MAP4K5: variants seen among roughly 807,000 people sequenced by gnomAD.
MAP4K5 encodes MAPK/ERK kinase kinase kinase 5.
In MAP4K5, 82 loss-of-function variants were observed where a neutral mutation model predicts 135.6. The observed-to-expected ratio is 0.60, with a 90% CI of 0.51 to 0.73. The LOEUF is 0.73. MAP4K5 is among the 30% of genes least tolerant of loss of function. The pLI is 0.00. For synonymous variants in MAP4K5, 347 were observed against 335.0 expected (o/e 1.04, Z -0.39); for missense variants, 907 against 1,010.9 (o/e 0.90, Z 1.39).
At chr14:50,446,593 T>A (rs766077415) in intron 16 of MAP4K5, among the ~76,000 whole-genome samples, 6 of 152,192 alleles carry the variant, frequency 3.9e-5, no homozygotes, top group Non-Finnish European at 8.8e-5. Context: ...AGCACTTATC[T>A]AGTCCACTGG....
chr14:50,542,764 G>A (rs2140148099), intron 1 of MAP4K5, among the ~76,000 whole-genome samples: 1 of 152,300 alleles, frequency 6.6e-6, no homozygotes, highest in East Asian at 1.9e-4. Flanking sequence ...ACTTGAAGCA[G>A]AGAGCCACAG....
chr14:50,481,280 T>C (rs2037236349), intron 6 of MAP4K5, among the ~76,000 whole-genome samples: 2 of 150,248 alleles, frequency 1.3e-5, no homozygotes, highest in South Asian at 4.1e-4. Context: ...CATACATATA[T>C]ATTACACATC....
chr14:50,453,405 A>G (rs937005671), intron 14 of MAP4K5, among the ~76,000 whole-genome samples: 7 of 152,220 alleles, frequency 4.6e-5, no homozygotes, highest in Non-Finnish European at 8.8e-5. Flanking sequence ...TGCAAAGTCA[A>G]CAAGAAACAA....
intron 1 of MAP4K5, 135 bp from the exon 2 acceptor site, chr14:50,532,293 G>T (rs547629460): frequency 0.014 from 6,117 of 442,564 alleles, 310 homozygotes; most frequent in African/African-American, 0.11. Context: ...AAGGGCCCCC[G>T]GCGCCCCGTA....
intron 2 of MAP4K5, among the ~76,000 whole-genome samples, chr14:50,516,162 A>G (rs1384211667): frequency 6.6e-6 from 1 of 152,208 alleles, no homozygotes; most frequent in Admixed American, 6.5e-5. Context: ...CTGTAATCCA[A>G]GCTTGTCTCC....
chr14:50,501,375 T>C (rs1378272820), intron 3 of MAP4K5, among the ~76,000 whole-genome samples: 1 of 152,064 alleles, frequency 6.6e-6, no homozygotes, highest in Non-Finnish European at 1.5e-5. Context: ...AATTGTATCT[T>C]ACAAATTATC....
At chr14:50,547,349 G>A (rs1217158970) in intron 1 of MAP4K5, among the ~76,000 whole-genome samples, 1 of 152,066 alleles carries the variant, frequency 6.6e-6, no homozygotes, top group Non-Finnish European at 1.5e-5. Flanking sequence ...TATAATAGAG[G>A]GCATTGGTTG....
intron 2 of MAP4K5, among the ~76,000 whole-genome samples, chr14:50,527,160 G>A (rs760391719): frequency 1.9e-4 from 29 of 152,194 alleles, no homozygotes; most frequent in Middle Eastern, 3.4e-3. Flanking sequence ...TCAACCTGGT[G>A]AAACCCCGTC....
intron 2 of MAP4K5, among the ~76,000 whole-genome samples, chr14:50,518,963 A>G (rs144647809): frequency 6.3e-4 from 96 of 152,342 alleles, no homozygotes; most frequent in African/African-American, 2.0e-3. Context: ...AAGACAATTT[A>G]GGAAATTTAG....
chr14:50,423,398 C>G (rs1566629763), intron 31 of MAP4K5, among the ~76,000 whole-genome samples: 1 of 151,032 alleles, frequency 6.6e-6, no homozygotes, highest in Non-Finnish European at 1.5e-5. Context: ...CTTAGAAGAA[C>G]TCTTTGTGAT....
rs543356908 is a variant in MAP4K5 at position 50,433,616 on chromosome 14, T to A, written c.2164+778A>T. ...CTATAAATGATCAAAAGCCAAAGGT[T>A]ATTTAATAAGAAGCATTAAGCATCA... is the stretch of plus-strand genomic sequence containing the variant. On this transcript the variant is annotated intron_variant, in intron 28 of 32. Coordinates refer to ENST00000682126, the MANE Select transcript of MAP4K5 (RefSeq NM_006575.6). Among the ~76,000 whole-genome samples the A allele has an allele frequency of 1.8e-4, 27 of 152,348 alleles. 1 individual carries two copies. The South Asian group carries it at 5.2e-3, about 29-fold the overall frequency.
At position 50,446,072 on chromosome 14, in the gene MAP4K5, A is replaced by C. The variant is rs773196370; in HGVS notation, c.1185+7T>G. 6.5e-7 allele frequency: 1 copy of C among 1,532,992 alleles called. No individual in the cohort carries two copies. The highest frequency in any genetic ancestry group is 8.8e-7 in the Non-Finnish European group (1 of 1,139,382). The allele number at this position is 1,532,992 out of a possible 1,614,324, so 95.0% of individuals were successfully genotyped here. On this transcript the variant is annotated splice_region_variant and intron_variant, in intron 17 of 32. Transcript: ENST00000682126. ...GATTTAGTGTTCAAAATCATTAAGT[A>C]GCTCACCTTAGGAGGTAGGGGAGGT...
intron 10 of MAP4K5, 115 bp from the exon 11 acceptor site, chr14:50,466,760 AACT>A: frequency 3.5e-6 from 2 of 564,704 alleles, no homozygotes; most frequent in South Asian, 2.7e-5. Context: ...CAATGATGAA[AACT>A]ACTATGGGAT....
intron 31 of MAP4K5, among the ~76,000 whole-genome samples, chr14:50,425,360 A>G (rs141686479): frequency 1.3e-5 from 2 of 152,312 alleles, no homozygotes; most frequent in East Asian, 3.9e-4. Flanking sequence ...TATGAATAGT[A>G]TCTACTTCTA....
At chr14:50,552,718 C>G (rs2038717958) in intron 1 of MAP4K5, among the ~76,000 whole-genome samples, 1 of 152,156 alleles carries the variant, frequency 6.6e-6, no homozygotes, top group Non-Finnish European at 1.5e-5. Flanking sequence ...CAAATACTTA[C>G]AGCTAACTGG....
At chr14:50,483,403 T>C (rs1426400086) in intron 5 of MAP4K5, among the ~76,000 whole-genome samples, 2 of 152,118 alleles carry the variant, frequency 1.3e-5, no homozygotes, top group Non-Finnish European at 2.9e-5. Context: ...CCAAATCAGG[T>C]AGTCATGTGT....
intron 2 of MAP4K5, among the ~76,000 whole-genome samples, chr14:50,518,149 G>T (rs913751434): frequency 1.3e-5 from 2 of 152,136 alleles, no homozygotes; most frequent in African/African-American, 4.8e-5. Flanking sequence ...TCCAAACACA[G>T]TATATCCTTA....
At chr14:50,539,939 A>G (rs1448418644) in intron 2 of MAP4K5, among the ~76,000 whole-genome samples, 4 of 152,156 alleles carry the variant, frequency 2.6e-5, no homozygotes. Context: ...GCTCTGTTAT[A>G]GTCATTCTGC....
chr14:50,429,334 CT>C (rs1240606029), intron 28 of MAP4K5, 74 bp from the exon 29 acceptor site: 1 of 875,672 alleles, frequency 1.1e-6, no homozygotes, highest in African/African-American at 1.7e-5. Context: ...TAAATTCTGA[CT>C]TTTGCTGTGA....
Sources: gnomAD v4.1 joint callset for allele counts (sites outside exome capture counted in the v4.1 genomes callset) on GRCh38, gnomAD v4.1.1 for gene constraint, MANE v1.5 for transcripts, NCBI Gene and HGNC (gene_info 2026-07-23, HGNC 2026-07-21) for gene names.